FAM131A: variants seen among roughly 807,000 people sequenced by gnomAD.
FAM131A encodes the protein protein FAM131A.
A neutral mutation model predicts 39.2 loss-of-function variants in FAM131A; 24 were observed. That is an observed-to-expected ratio of 0.61 (90% CI 0.44 to 0.86). FAM131A has a LOEUF of 0.86. Among genes scored for constraint, FAM131A ranks in the 40% least tolerant of loss-of-function variants. The pLI is 0.00. For synonymous variants in FAM131A, 202 were observed against 206.8 expected, an observed-to-expected ratio of 0.98 and a Z score of 0.20; for missense variants, 373 against 481.2, an observed-to-expected ratio of 0.78 and a Z score of 2.10.
chr3:184,344,673 G>A lies in FAM131A; in HGVS notation c.804G>A (p.Pro268=), dbSNP rs377495075. The change falls in exon 6 of 6, where the codon CCG becomes CCA. Residue 268 remains proline, a synonymous_variant. Transcript: ENST00000383847. ...TGGAGGATGGGTTGTTGGGCTCCCC[G>A]GCCCGGCTGGCCTCCCAGCTGCTGG... The part of the protein sequence containing the change: ...CSLEDGLLGS[P]ARLASQLLGD... The A allele has an allele frequency of 9.4e-5, 151 of 1,612,416 alleles. No homozygotes were observed. Among genetic ancestry groups the A allele is most frequent in the Admixed American group, 1.7e-4 (10 of 59,988 alleles).
chr3:184,342,782 C>T lies in FAM131A; in HGVS notation c.547C>T (p.Arg183Ter), dbSNP rs1409771321. Residue 183 changes from arginine (R) to a stop codon, truncating the protein, a stop_gained, in exon 5 of 6, where the codon CGA becomes TGA. Coordinates refer to ENST00000383847, the MANE Select transcript of FAM131A (RefSeq NM_144635.5). LOFTEE classifies it high-confidence loss of function. The surrounding 1 kb of genome is among the most constrained non-coding windows in gnomAD (Gnocchi z 4.6). ...GTTTGCCATCGCGGAAGCCAAGCTC[C>T]GAGCATGGTCTTCGGTGGATGGCGA... ...EQFAIAEAKLRAWSSVDGEDS... is the reference protein window; with the variant it reads ...EQFAIAEAKL 1.9e-6 allele frequency: 3 copies of T among 1,613,716 alleles called. No homozygotes were observed. The highest frequency in any genetic ancestry group is 1.7e-6 in the Non-Finnish European group (2 of 1,179,830).
Position 184,344,908 on chromosome 3 carries a change from G to A in FAM131A, c.1039G>A (p.Asp347Asn), listed in dbSNP as rs1727566414. 1.2e-6 allele frequency: 2 copies of A among 1,607,452 alleles called. No homozygotes were observed. Among genetic ancestry groups the A allele is most frequent in the Non-Finnish European group, 1.7e-6 (2 of 1,179,452 alleles). Residue 347 changes from aspartate (D) to asparagine (N), a missense_variant, in exon 6 of 6, where the codon GAC (aspartate) becomes AAC (asparagine). Physicochemically the swap from Asp to Asn is conservative, Grantham distance 23. Around this residue, in one of 2 missense-constraint regions of FAM131A, gnomAD observed 152 missense variants for 133.5 expected, o/e 1.14. Transcript: ENST00000383847. The stretch of plus-strand genomic sequence containing the variant: ...CTGGGAACGGCAGCGGCAAGCCTCT[G>A]ACCTGGCCTCTTCTGGGGTGGTGTC... Reference protein sequence around the residue: ...GSWERQRQASDLASSGVVSLD... With the variant: ...GSWERQRQASNLASSGVVSLD...
In FAM131A at chr3:184,342,395, C is replaced by T. The variant is rs1432777498; in HGVS notation, c.508+147C>T. On this transcript the variant is annotated intron_variant, in intron 4 of 5. Coordinates refer to ENST00000383847, the MANE Select transcript of FAM131A (RefSeq NM_144635.5). This position sits in a 1 kb window ranked among gnomAD's most constrained non-coding sequence, Gnocchi z 4.6. Reference sequence around the variant, plus strand: ...CAATCTCAGCTCACTGCAACCTCTGCCACCCCAGTTCAAGCGATTCTCCTG... The same window carrying T: ...CAATCTCAGCTCACTGCAACCTCTGTCACCCCAGTTCAAGCGATTCTCCTG... 6.0e-6 allele frequency: 6 copies of T among 1,001,592 alleles called. No homozygotes were observed. Among genetic ancestry groups the T allele is most frequent in the Non-Finnish European group, 8.4e-6 (6 of 711,156 alleles). The allele number at this position is 1,001,592 out of a possible 1,614,324, so 62.0% of individuals were successfully genotyped here. A position where few individuals can be genotyped will look rare whatever the true frequency, so the allele number is the denominator to read the frequency against.
intron 2 of FAM131A, chr3:184,338,813 T>G: frequency 2.7e-6 from 1 of 374,058 alleles, no homozygotes; most frequent in Non-Finnish European, 4.9e-6. Context: ...ACATACACCT[T>G]TTCTCTGGGC....
intron 2 of FAM131A, 153 bp from the exon 3 acceptor site, chr3:184,341,571 T>C (rs765660018): frequency 2.8e-5 from 18 of 647,434 alleles, no homozygotes; most frequent in Non-Finnish European, 4.9e-5. Flanking sequence ...TCCTAGCTTC[T>C]TATCATCTTA....
In FAM131A at chr3:184,342,396, CACCCCAGTTCAAGCGAT is replaced by C; in HGVS notation, c.508+149_508+165del. On this transcript the variant is annotated intron_variant, in intron 4 of 5. Coordinates refer to ENST00000383847, the MANE Select transcript of FAM131A (RefSeq NM_144635.5). This position sits in a 1 kb window ranked among gnomAD's most constrained non-coding sequence, Gnocchi z 4.6. Reference sequence around the variant, plus strand: ...AATCTCAGCTCACTGCAACCTCTGCCACCCCAGTTCAAGCGATTCTCCTGCCTCAGCCTCCCAAGTAG... The same window carrying C: ...AATCTCAGCTCACTGCAACCTCTGCCTCTCCTGCCTCAGCCTCCCAAGTAG... 1 of 992,036 alleles carries C rather than the reference CACCCCAGTTCAAGCGAT, an allele frequency of 1.0e-6. No homozygotes were observed. Among genetic ancestry groups the C allele is most frequent in the South Asian group, 1.9e-5 (1 of 53,768 alleles). The allele number at this position is 992,036 out of a possible 1,614,324, so 61.5% of individuals were successfully genotyped here.
rs774589741 is a variant in FAM131A, at chr3:184,344,963, A to G, written c.1094A>G (p.Glu365Gly). The G allele has an allele frequency of 4.6e-5, 71 of 1,555,488 alleles. No individual in the cohort carries two copies. The Middle Eastern group carries it at 6.7e-4, about 15-fold the overall frequency. Reference sequence around the variant, plus strand: ...GATGAGGATGAGGCAGAGCCAGAGGAACAGTGACCCACATCATGCCTGGCA... The same window carrying G: ...GATGAGGATGAGGCAGAGCCAGAGGGACAGTGACCCACATCATGCCTGGCA... The part of the protein sequence containing the change: ...SLDEDEAEPE[E>G]Q The change falls in exon 6 of 6, where the codon GAA becomes GGA. Residue 365 changes from glutamate to glycine, a missense_variant. By Grantham distance (98) the Glu-to-Gly change is moderately conservative (BLOSUM62 -2). This residue lies in a region of FAM131A where 152 missense variants were observed against 133.5 expected (regional missense o/e 1.14). Transcript: ENST00000383847.
Position 184,342,038 on chromosome 3 carries a change from A to AG in FAM131A, c.326-26dup, listed in dbSNP as rs1560242736. On this transcript the variant is annotated intron_variant, in intron 3 of 5. Coordinates refer to ENST00000383847, the MANE Select transcript of FAM131A (RefSeq NM_144635.5). This position sits in a 1 kb window ranked among gnomAD's most constrained non-coding sequence, Gnocchi z 4.6. ...GTGCTCCCTGGCCTGGTCCTTTACC[A>AG]GGCTTCTCCACCCTCCCCTATCTCC... is the stretch of plus-strand genomic sequence containing the variant. The AG allele has an allele frequency of 6.2e-7, 1 of 1,613,932 alleles. No individual in the cohort carries two copies. Among genetic ancestry groups the AG allele is most frequent in the Admixed American group, 1.7e-5 (1 of 60,004 alleles).
In FAM131A at chr3:184,344,753, G is replaced by A; in HGVS notation, c.884G>A (p.Ser295Asn). ...CCCAGCCGGGAAAGTGCCTTCCGCA[G>A]CCTGGGCCCACTGGAGGCCCAGGAC... ...LPPSRESAFR[S>N]LGPLEAQDSL... The change falls in exon 6 of 6, where the codon AGC becomes AAC. Residue 295 changes from serine (S) to asparagine (N), a missense_variant. Coordinates refer to ENST00000383847, the MANE Select transcript of FAM131A (RefSeq NM_144635.5). 3 of 1,612,330 alleles carry A rather than the reference G, an allele frequency of 1.9e-6. No individual in the cohort carries two copies. The highest frequency in any genetic ancestry group is 2.5e-6 in the Non-Finnish European group (3 of 1,179,970).
At position 184,345,906 on chromosome 3, in the gene FAM131A, G is replaced by C. The variant is rs1727635534; in HGVS notation, c.*936G>C. Reference sequence around the variant, plus strand: ...CTGCTGAGAGGCAGGAATTGTGCCAGTGAGTGACAGTCATGAGGGAGTGTC... The same window carrying C: ...CTGCTGAGAGGCAGGAATTGTGCCACTGAGTGACAGTCATGAGGGAGTGTC... On this transcript the variant is annotated 3_prime_UTR_variant, in exon 6 of 6. Transcript: ENST00000383847. 2.6e-6 allele frequency: 1 copy of C among 391,092 alleles called. No homozygotes were observed. The highest frequency in any genetic ancestry group is 2.1e-5 in the African/African-American group (1 of 47,918). 24.2% of individuals were successfully genotyped at this position (391,092 alleles called of 1,614,324 possible).
chr3:184,341,556 A>G (rs1577287920), intron 2 of FAM131A, 168 bp from the exon 3 acceptor site: 3 of 617,414 alleles, frequency 4.9e-6, no homozygotes, highest in Non-Finnish European at 5.7e-6. Flanking sequence ...GACATAATTC[A>G]CCTGTCCTAG....
chr3:184,343,625 G>A (rs555275512), intron 5 of FAM131A, among the ~76,000 whole-genome samples: 1 of 152,348 alleles, frequency 6.6e-6, no homozygotes, highest in South Asian at 2.1e-4. Context: ...GAGCAGGTTG[G>A]AGACTGCTGC....
chr3:184,338,488 T>G lies in FAM131A; in HGVS notation c.190T>G (p.Ser64Ala). 5 of 1,536,182 alleles carry G rather than the reference T, an allele frequency of 3.3e-6. No individual in the cohort carries two copies. Among genetic ancestry groups the G allele is most frequent in the Non-Finnish European group, 4.4e-6 (5 of 1,146,488 alleles). Reference sequence around the variant, plus strand: ...TCGAACCCTCCGAGGCTGGAGCAGGTCCTCCCGCCCTTCCTCGGTGGACAG... The same window carrying G: ...TCGAACCCTCCGAGGCTGGAGCAGGGCCTCCCGCCCTTCCTCGGTGGACAG... ...SARTLRGWSR[S>A]SRPSSVDSQD... The change falls in exon 2 of 6, where the codon TCC becomes GCC. Residue 64 changes from serine (S) to alanine (A), a missense_variant. Transcript: ENST00000383847.
intron 2 of FAM131A, chr3:184,340,241 C>T (rs1222607666): frequency 6.6e-6 from 1 of 150,916 alleles, no homozygotes; most frequent in African/African-American, 2.4e-5. Context: ...GATGATCTAC[C>T]CACCTTGGCC....
In FAM131A at chr3:184,345,830, GAGAGGGCCACA is replaced by G. The variant is rs1027745181; in HGVS notation, c.*872_*882del. 70 of 526,516 alleles carry G rather than the reference GAGAGGGCCACA, an allele frequency of 1.3e-4. 2 individuals carry two copies. Among genetic ancestry groups the G allele is most frequent in the South Asian group, 4.5e-4 (17 of 37,508 alleles). 32.6% of individuals were successfully genotyped at this position (526,516 alleles called of 1,614,324 possible). On this transcript the variant is annotated 3_prime_UTR_variant, in exon 6 of 6. Transcript: ENST00000383847. ...AGAGCTGGGACTTCATGTTCTTCTA[GAGAGGGCCACA>G]AGAGGGCCACAGGGGTGGCCGGGAG...
In FAM131A at chr3:184,342,156, G is replaced by A. The variant is rs1466107815; in HGVS notation, c.416G>A (p.Ser139Asn). 20 of 1,614,244 alleles carry A rather than the reference G, an allele frequency of 1.2e-5. No individual in the cohort carries two copies. Among genetic ancestry groups the A allele is most frequent in the Non-Finnish European group, 1.6e-5 (19 of 1,180,044 alleles). ...CACCTCATTGAGTGGAAGGGCTGGAGCAAGCCGAGTGACTCACCTGCTGCC... is the reference window on the plus strand; with the variant it reads ...CACCTCATTGAGTGGAAGGGCTGGAACAAGCCGAGTGACTCACCTGCTGCC... ...VAHLIEWKGW[S>N]KPSDSPAALE... The change falls in exon 4 of 6, where the codon AGC (serine) becomes AAC (asparagine). Residue 139 changes from serine (S) to asparagine (N), a missense_variant. By Grantham distance (46) the Ser-to-Asn change is conservative. Transcript: ENST00000383847. The surrounding 1 kb of genome is among the most constrained non-coding windows in gnomAD (Gnocchi z 4.6).
Position 184,338,549 on chromosome 3 carries a change from G to A in FAM131A, c.231+20G>A, listed in dbSNP as rs754802471. On this transcript the variant is annotated intron_variant, in intron 2 of 5. Coordinates refer to ENST00000383847, the MANE Select transcript of FAM131A (RefSeq NM_144635.5). ...CCAGAGGTGCTGGGCCCCTGGTGGT[G>A]GGGGGAAGGAGGACGTCATCCATAT... 26 of 1,534,616 alleles carry A rather than the reference G, an allele frequency of 1.7e-5. No homozygotes were observed. The highest frequency in any genetic ancestry group is 2.1e-5 in the Non-Finnish European group (24 of 1,145,858).
chr3:184,343,379 G>T (rs1727470981), intron 5 of FAM131A, among the ~76,000 whole-genome samples: 1 of 152,234 alleles, frequency 6.6e-6, no homozygotes, highest in Admixed American at 6.5e-5. Context: ...ATTCCAGCCC[G>T]TGGGCCTTTC....
Position 184,344,890 on chromosome 3 carries a change from C to A in FAM131A, c.1021C>A (p.Arg341=). 6.2e-7 allele frequency: 1 copy of A among 1,609,048 alleles called. No homozygotes were observed. Among genetic ancestry groups the A allele is most frequent in the Non-Finnish European group, 8.5e-7 (1 of 1,179,684 alleles). Residue 341 remains arginine, a synonymous_variant, in exon 6 of 6, where the codon CGG becomes AGG. Coordinates refer to ENST00000383847, the MANE Select transcript of FAM131A (RefSeq NM_144635.5). ...CCCACCACTAACGGGCAGCTGGGAA[C>A]GGCAGCGGCAAGCCTCTGACCTGGC... ...LCPPLTGSWE[R]QRQASDLASS...
Sources: allele counts gnomAD v4.1 joint callset (sites outside exome capture counted in the v4.1 genomes callset), GRCh38; gene constraint gnomAD v4.1.1; regional missense constraint gnomAD v4.1.1; non-coding constraint Gnocchi (gnomAD v3.1); transcripts MANE v1.5; gene names NCBI Gene and HGNC (gene_info 2026-07-23, HGNC 2026-07-21).